ABCA5: variants seen among roughly 807,000 people sequenced by gnomAD.
ABCA5 encodes the protein ATP binding cassette subfamily A member 5.
A neutral mutation model predicts 206.0 loss-of-function variants in ABCA5; 163 were observed. That is an observed-to-expected ratio of 0.79 (90% CI 0.70 to 0.90). The LOEUF is 0.90. ABCA5 is among the 40% of genes least tolerant of loss of function. ABCA5 has a pLI of 0.00. For missense variants in ABCA5, 1,859 were observed against 1,912.9 expected, an observed-to-expected ratio of 0.97 and a Z score of 0.53; for synonymous variants, 609 against 613.8, an observed-to-expected ratio of 0.99 and a Z score of 0.11.
At position 69,289,163 on chromosome 17, in the gene ABCA5, T is replaced by C. The variant is rs1426358171; in HGVS notation, c.1902+14A>G. ...TTTAAAATGAGCTCATCTGTAAAAG[T>C]AATATTTATTTACCTTTGGGTTCCC... On this transcript the variant is annotated intron_variant, in intron 14 of 38. Transcript: ENST00000392676. 8.2e-6 allele frequency: 13 copies of C among 1,593,060 alleles called. No individual in the cohort carries two copies. Among genetic ancestry groups the C allele is most frequent in the Admixed American group, 3.7e-5 (2 of 54,472 alleles).
At chr17:69,299,210 T>C (rs1284978823) in intron 9 of ABCA5, among the ~76,000 whole-genome samples, 1 of 152,118 alleles carries the variant, frequency 6.6e-6, no homozygotes, top group African/African-American at 2.4e-5. Flanking sequence ...TTTTCCACTG[T>C]TGGTGGGAAT....
intron 10 of ABCA5, 47 bp from the exon 11 acceptor site, chr17:69,294,760 G>C: frequency 7.7e-7 from 1 of 1,294,366 alleles, no homozygotes; most frequent in Non-Finnish European, 1.1e-6. Flanking sequence ...CAATTTATAA[G>C]TATGTGTGTT....
At chr17:69,284,372 C>CTCAAAGAAA (rs1372425478) in intron 17 of ABCA5, among the ~76,000 whole-genome samples, 2 of 151,716 alleles carry the variant, frequency 1.3e-5, no homozygotes, top group Non-Finnish European at 2.9e-5. Flanking sequence ...AATTAAGGAC[C>CTCAAAGAAA]TCAAAGAAAT....
At chr17:69,300,166 T>C (rs2075637282) in intron 9 of ABCA5, among the ~76,000 whole-genome samples, 2 of 152,224 alleles carry the variant, frequency 1.3e-5, no homozygotes, top group South Asian at 4.1e-4. Flanking sequence ...CGGTCCCATC[T>C]GGGGGTGATG....
intron 28 of ABCA5, among the ~76,000 whole-genome samples, 170 bp from the exon 29 acceptor site, chr17:69,256,453 T>C (rs2075082373): frequency 6.6e-6 from 1 of 150,958 alleles, no homozygotes; most frequent in Non-Finnish European, 1.5e-5. Flanking sequence ...TCTTTCTTTC[T>C]TTCTTTTTTT....
At position 69,326,252 on chromosome 17, in the gene ABCA5, T is replaced by A. The variant is rs549076809; in HGVS notation, c.-16+800A>T. Among the ~76,000 whole-genome samples, 2 of 152,204 alleles carry A rather than the reference T, an allele frequency of 1.3e-5. No homozygotes were observed. The highest frequency in any genetic ancestry group is 4.8e-5 in the African/African-American group (2 of 41,464). Reference sequence around the variant, plus strand: ...TTGCTGTCAGAATGAAAAGAGCTAATACCGAGCCTGGCTTAAAGCTGTAGT... The same window carrying A: ...TTGCTGTCAGAATGAAAAGAGCTAAAACCGAGCCTGGCTTAAAGCTGTAGT... On this transcript the variant is annotated intron_variant, in intron 1 of 38. Transcript: ENST00000392676. This position sits in a 1 kb window ranked among gnomAD's most constrained non-coding sequence, Gnocchi z 4.8.
Position 69,277,694 on chromosome 17 carries a change from T to G in ABCA5, c.2541A>C (p.Ile847=). The G allele has an allele frequency of 6.2e-7, 1 of 1,611,586 alleles. No individual in the cohort carries two copies. Residue 847 remains isoleucine, a synonymous_variant, in exon 19 of 39, where the codon ATA becomes ATC. Transcript: ENST00000392676. ...TCAAGGTAAAGAAATGAAACTTTGC[T>G]ATTGTATACATCTGTTGTTTCCAAA... is the stretch of plus-strand genomic sequence containing the variant. ...MSLWKQQMYT[I]AKFHFFTLKR...
chr17:69,298,896 G>A (rs1285722189), intron 9 of ABCA5, among the ~76,000 whole-genome samples: 1 of 152,132 alleles, frequency 6.6e-6, no homozygotes, highest in Non-Finnish European at 1.5e-5. Context: ...CCCACAGAGT[G>A]GGAGAAGGTC....
rs149206442 is a variant in ABCA5 at position 69,313,103 on chromosome 17, T to C, written c.296A>G (p.His99Arg). 4.9e-5 allele frequency: 78 copies of C among 1,602,626 alleles called. No homozygotes were observed. In the African/African-American group the frequency reaches 9.0e-4, roughly 18 times the overall value. ...TAAGCTCACAATACCATCAGGTAGATGATCAGTAGACACTTTCTGCATGAT... is the reference window on the plus strand; with the variant it reads ...TAAGCTCACAATACCATCAGGTAGACGATCAGTAGACACTTTCTGCATGAT... ...SSIMQKVSTD[H>R]LPDVIITEEY... is the part of the protein sequence containing the mutation. The change falls in exon 3 of 39, where the codon CAT becomes CGT. Residue 99 changes from histidine (H) to arginine (R), a missense_variant. Physicochemically the swap from His to Arg is conservative, Grantham distance 29 (BLOSUM62 0). Coordinates refer to ENST00000392676, the MANE Select transcript of ABCA5 (RefSeq NM_172232.4).
At chr17:69,254,755 C>T (rs143507148) in intron 31 of ABCA5, among the ~76,000 whole-genome samples, 14 of 152,164 alleles carry the variant, frequency 9.2e-5, no homozygotes, top group African/African-American at 3.1e-4. Context: ...AATTCCTGAG[C>T]TCAAGTGATC....
At chr17:69,314,833 T>C (rs527473684) in intron 1 of ABCA5, 1 of 154,974 alleles carries the variant, frequency 6.5e-6, no homozygotes, top group Non-Finnish European at 1.4e-5. Context: ...TATCCCCACA[T>C]GCAAGCAATC....
Position 69,309,380 on chromosome 17 carries a change from T to C in ABCA5, c.351A>G (p.Thr117=). Residue 117 remains threonine, a synonymous_variant, in exon 4 of 39, where the codon ACA becomes ACG. Coordinates refer to ENST00000392676, the MANE Select transcript of ABCA5 (RefSeq NM_172232.4). ...EEYTNEKEML[T]SSLSKPSNFV... ...AGTTGCTCGGCTTAGAGAGACTGGATGTTAACATTTCTTTTTCATTTGTAT... is the reference window on the plus strand; with the variant it reads ...AGTTGCTCGGCTTAGAGAGACTGGACGTTAACATTTCTTTTTCATTTGTAT... 1.9e-6 allele frequency: 3 copies of C among 1,599,008 alleles called. No individual in the cohort carries two copies. Among genetic ancestry groups the C allele is most frequent in the Non-Finnish European group, 1.7e-6 (2 of 1,174,992 alleles).
rs781536653 is a variant in ABCA5 at position 69,250,636 on chromosome 17, T to C, written c.4536-15A>G. The C allele has an allele frequency of 6.6e-7, 1 of 1,524,862 alleles. No individual in the cohort carries two copies. Among genetic ancestry groups the C allele is most frequent in the South Asian group, 1.3e-5 (1 of 77,850 alleles). 94.5% of individuals were successfully genotyped at this position (1,524,862 alleles called of 1,614,324 possible). ...TTCCGATACATCTGAAGTAATTTTT[T>C]AAAAGAAAGCTCAGATATAAAATGA... On this transcript the variant is annotated splice_polypyrimidine_tract_variant and intron_variant, in intron 35 of 38. Coordinates refer to ENST00000392676, the MANE Select transcript of ABCA5 (RefSeq NM_172232.4).
rs550343760 is a variant in ABCA5, at chr17:69,318,573, A to T, written c.-15-4143T>A. On this transcript the variant is annotated intron_variant, in intron 1 of 38. Transcript: ENST00000392676. Reference sequence around the variant, plus strand: ...CTTTTTTTCTATGTATTACTTACATAGTAAAAAAAAAGCAATTAAACAATT... The same window carrying T: ...CTTTTTTTCTATGTATTACTTACATTGTAAAAAAAAAGCAATTAAACAATT... Among the ~76,000 whole-genome samples, 8 of 152,072 alleles carry T rather than the reference A, an allele frequency of 5.3e-5. No homozygotes were observed. In the East Asian group the frequency reaches 9.6e-4, roughly 18 times the overall value.
intron 18 of ABCA5, among the ~76,000 whole-genome samples, chr17:69,280,284 C>A (rs145275221): frequency 6.6e-6 from 1 of 152,148 alleles, no homozygotes; most frequent in African/African-American, 2.4e-5. Flanking sequence ...CATGAAAAAA[C>A]GCTCACCATC....
At chr17:69,298,981 G>A (rs2075621579) in intron 9 of ABCA5, among the ~76,000 whole-genome samples, 2 of 151,690 alleles carry the variant, frequency 1.3e-5, no homozygotes, top group African/African-American at 4.8e-5. Flanking sequence ...AGAACAAAAC[G>A]AACAATCCCA....
intron 9 of ABCA5, among the ~76,000 whole-genome samples, chr17:69,298,221 A>AGGT: frequency 1.4e-5 from 1 of 69,106 alleles, no homozygotes; most frequent in East Asian, 4.0e-4. Flanking sequence ...GGAAGGAAGG[A>AGGT]AGGTAGGTAG....
In ABCA5 at chr17:69,270,769, C is replaced by A. The variant is rs913382723; in HGVS notation, c.2893-19G>T. 1.3e-6 allele frequency: 2 copies of A among 1,516,490 alleles called. No homozygotes were observed. Among genetic ancestry groups the A allele is most frequent in the East Asian group, 2.4e-5 (1 of 41,764 alleles). 93.9% of individuals were successfully genotyped at this position (1,516,490 alleles called of 1,614,324 possible). A position where few individuals can be genotyped will look rare whatever the true frequency, so the allele number is the denominator to read the frequency against. Reference sequence around the variant, plus strand: ...CATAGTCCTACAATTAAAAAAAAGACACTTATTACATACTGTATATAAGCG... The same window carrying A: ...CATAGTCCTACAATTAAAAAAAAGAAACTTATTACATACTGTATATAAGCG... On this transcript the variant is annotated intron_variant, in intron 21 of 38. Transcript: ENST00000392676.
chr17:69,261,842 T>C lies in ABCA5; in HGVS notation c.3316-94A>G, dbSNP rs557094434. The C allele has an allele frequency of 4.2e-5, 21 of 494,558 alleles. No individual in the cohort carries two copies. The East Asian group carries it at 7.1e-4, about 17-fold the overall frequency. The allele number at this position is 494,558 out of a possible 1,614,324, so 30.6% of individuals were successfully genotyped here. ...CCATATTAAAATATGAAATTATTAA[T>C]ATAATCCTAAATAAATCATTTAAAC... On this transcript the variant is annotated intron_variant, in intron 24 of 38. Coordinates refer to ENST00000392676, the MANE Select transcript of ABCA5 (RefSeq NM_172232.4).
Sources: allele counts gnomAD v4.1 joint callset (sites outside exome capture counted in the v4.1 genomes callset), GRCh38; gene constraint gnomAD v4.1.1; non-coding constraint Gnocchi (gnomAD v3.1); transcripts MANE v1.5; gene names NCBI Gene and HGNC (gene_info 2026-07-23, HGNC 2026-07-21).